Variants in TANGO6 observed in about 807,000 individuals in gnomAD.
The protein encoded by TANGO6 is transport and Golgi organization protein 6 homolog.
A neutral mutation model predicts 114.2 loss-of-function variants in TANGO6; 90 were observed. That is an observed-to-expected ratio of 0.79 (90% CI 0.66 to 0.94). The LOEUF (loss-of-function observed/expected upper bound fraction) is 0.94, where lower values mean the gene tolerates loss of function less well. Ranked by LOEUF, TANGO6 falls within the 40% of genes least tolerant of loss-of-function variation. The pLI is 0.00. For synonymous variants in TANGO6, 477 were observed against 509.8 expected (o/e 0.94, Z 0.87); for missense variants, 1,274 against 1,315.3 (o/e 0.97, Z 0.49).
chr16:68,963,144 T>C (rs1431991295), intron 14 of TANGO6, among the ~76,000 whole-genome samples: 4 of 140,448 alleles, frequency 2.8e-5, no homozygotes, highest in Non-Finnish European at 6.1e-5. Context: ...TGAAACAGAG[T>C]CTCACTCTGT....
chr16:69,043,940 G>C (rs766354721), intron 17 of TANGO6, among the ~76,000 whole-genome samples: 5 of 152,224 alleles, frequency 3.3e-5, no homozygotes, highest in Non-Finnish European at 7.3e-5. Flanking sequence ...TCAGGAGATA[G>C]CATGGGATCA....
chr16:68,924,595 C>G (rs1464528030), intron 12 of TANGO6, among the ~76,000 whole-genome samples: 1 of 151,898 alleles, frequency 6.6e-6, no homozygotes, highest in Non-Finnish European at 1.5e-5. Flanking sequence ...CGAGACCAGC[C>G]TGGCCAAAAT....
intron 17 of TANGO6, among the ~76,000 whole-genome samples, chr16:69,062,084 T>G (rs1960126866): frequency 6.6e-6 from 1 of 152,194 alleles, no homozygotes; most frequent in African/African-American, 2.4e-5. Context: ...GACTCATACT[T>G]CACATACATA....
chr16:69,006,937 A>G (rs1964096829), intron 15 of TANGO6: 1 of 152,216 alleles, frequency 6.6e-6, no homozygotes, highest in Non-Finnish European at 1.5e-5. Flanking sequence ...CCAGTCGAGC[A>G]ATCACTACTG....
At chr16:69,032,642 G>T (rs1265838515) in intron 16 of TANGO6, among the ~76,000 whole-genome samples, 1 of 152,130 alleles carries the variant, frequency 6.6e-6, no homozygotes, top group Admixed American at 6.5e-5. Flanking sequence ...CCTTTGGGAG[G>T]CCAAGGTGGG....
At chr16:68,921,894 C>G (rs933478296) in intron 12 of TANGO6, among the ~76,000 whole-genome samples, 15 of 152,140 alleles carry the variant, frequency 9.9e-5, no homozygotes, top group African/African-American at 3.6e-4. Context: ...ACGTCACCCC[C>G]TATACCTTTG....
chr16:69,054,808 G>T (rs1454429719), intron 17 of TANGO6, among the ~76,000 whole-genome samples: 1 of 151,806 alleles, frequency 6.6e-6, no homozygotes, highest in African/African-American at 2.4e-5. Context: ...GGGCGCGGTG[G>T]CAGGTGCCTG....
intron 15 of TANGO6, among the ~76,000 whole-genome samples, chr16:68,975,418 C>T (rs1383784248): frequency 2.0e-5 from 3 of 151,904 alleles, no homozygotes; most frequent in Admixed American, 1.3e-4. Context: ...GTTGGGGTCT[C>T]ACTATGTTTT....
At chr16:68,845,075 C>T (rs1183626398) in intron 1 of TANGO6, among the ~76,000 whole-genome samples, 2 of 149,944 alleles carry the variant, frequency 1.3e-5, no homozygotes, top group Non-Finnish European at 1.5e-5. Context: ...TCAAGCGATT[C>T]TCCTGCTTCA....
chr16:68,896,241 A>T (rs1057218452), intron 7 of TANGO6, among the ~76,000 whole-genome samples: 6 of 152,154 alleles, frequency 3.9e-5, no homozygotes, highest in African/African-American at 1.4e-4. Context: ...TCCTGGACTC[A>T]AGTGATCTTC....
chr16:68,887,400 A>T (rs563065374), intron 7 of TANGO6, among the ~76,000 whole-genome samples: 8 of 152,316 alleles, frequency 5.3e-5, no homozygotes, highest in African/African-American at 1.9e-4. Flanking sequence ...GGAGAATTCA[A>T]AGTTAAAAAA....
intron 17 of TANGO6, among the ~76,000 whole-genome samples, chr16:69,082,632 C>T (rs567433294): frequency 6.6e-6 from 1 of 152,200 alleles, no homozygotes; most frequent in South Asian, 2.1e-4. Flanking sequence ...GTAGTCCCAG[C>T]TACTCAGGAG....
At chr16:69,067,518 C>CAAAAAAAAAAAAAAAAAAAAAAAA (rs1199698790) in intron 17 of TANGO6, among the ~76,000 whole-genome samples, 2 of 43,728 alleles carry the variant, frequency 4.6e-5, no homozygotes, top group Non-Finnish European at 8.2e-5. Flanking sequence ...AACTCCATCT[C>CAAAAAAAAAAAAAAAAAAAAAAAA]AAAAAAAAAA....
intron 15 of TANGO6, among the ~76,000 whole-genome samples, chr16:68,977,414 C>T (rs926663517): frequency 6.7e-6 from 1 of 150,302 alleles, no homozygotes; most frequent in Non-Finnish European, 1.5e-5. Context: ...GGAGTCTTAG[C>T]CAGGCGTGGT....
chr16:68,924,585 C>T (rs573465691), intron 12 of TANGO6, among the ~76,000 whole-genome samples: 154 of 151,148 alleles, frequency 1.0e-3, no homozygotes, highest in Non-Finnish European at 1.8e-3. Flanking sequence ...GTCAGGAGTT[C>T]GAGACCAGCC....
At chr16:69,056,171 C>G (rs1291482374) in intron 17 of TANGO6, among the ~76,000 whole-genome samples, 1 of 152,180 alleles carries the variant, frequency 6.6e-6, no homozygotes, top group African/African-American at 2.4e-5. Flanking sequence ...GAAACTCTAA[C>G]ATTTAAAACT....
In TANGO6 at chr16:68,988,667, T is replaced by C. The variant is rs114251577; in HGVS notation, c.2842+14499T>C. ...CAATTTAATTTTTGTGTTTGGTGAA[T>C]AGTTAGAGTTTAAGTTCTCTCTCTC... On this transcript the variant is annotated intron_variant, in intron 15 of 17. Transcript: ENST00000261778. 6.8e-3 allele frequency among the ~76,000 whole-genome samples: 1,036 copies of C among 151,784 alleles called. 9 individuals carry two copies. Among genetic ancestry groups the C allele is most frequent in the African/African-American group, 0.024 (989 of 41,386 alleles).
chr16:68,920,043 A>G (rs754401709), intron 12 of TANGO6, among the ~76,000 whole-genome samples: 3 of 152,162 alleles, frequency 2.0e-5, no homozygotes, highest in Non-Finnish European at 2.9e-5. Context: ...GCTAAACTCC[A>G]TCTCAAAAAA....
At position 68,900,500 on chromosome 16, in the gene TANGO6, C is replaced by CT. The variant is rs772916172; in HGVS notation, c.1449dup (p.Leu484SerfsTer7). ...TTCCCTGCTTCCAGTCCTGGGAGTG[C>CT]TTTTTCTTCTCTACTGTTTTACTAA... On this transcript the variant is annotated frameshift_variant, in exon 8 of 18. Transcript: ENST00000261778. LOFTEE classifies it high-confidence loss of function. The CT allele has an allele frequency of 1.2e-6, 2 of 1,613,924 alleles. No individual in the cohort carries two copies. Among genetic ancestry groups the CT allele is most frequent in the Non-Finnish European group, 1.7e-6 (2 of 1,179,860 alleles).
Sources: gnomAD v4.1 joint callset for allele counts (sites outside exome capture counted in the v4.1 genomes callset) on GRCh38, gnomAD v4.1.1 for gene constraint, MANE v1.5 for transcripts, NCBI Gene and HGNC (gene_info 2026-07-23, HGNC 2026-07-21) for gene names.